Variants in PDLIM7 observed in about 807,000 individuals in gnomAD.
PDLIM7 encodes the protein PDZ and LIM domain protein 7.
In PDLIM7, 37 loss-of-function variants were observed where a neutral mutation model predicts 53.9. That is an observed-to-expected ratio of 0.69 (90% confidence interval 0.53 to 0.90). The LOEUF is 0.90. Among genes scored for constraint, PDLIM7 ranks in the 40% least tolerant of loss-of-function variants. The pLI, the probability that PDLIM7 is intolerant of heterozygous loss-of-function variation, is 0.00. For synonymous variants in PDLIM7, 300 were observed against 261.3 expected (o/e 1.15, Z -1.43); for missense variants, 617 against 638.5 (o/e 0.97, Z 0.36).
intron 7 of PDLIM7, 47 bp from the exon 8 acceptor site, chr5:177,489,879 A>G: frequency 6.4e-7 from 1 of 1,551,988 alleles, no homozygotes; most frequent in East Asian, 2.4e-5. Context: ...GCTTCCTGAC[A>G]TGGCCCCACC....
chr5:177,495,642 G>A (rs335428), intron 2 of PDLIM7, among the ~76,000 whole-genome samples: 66,345 of 152,080 alleles, frequency 0.44, 15,396 homozygotes, highest in South Asian at 0.53. Context: ...TTTCAGCTCT[G>A]CAGACCGCAG....
intron 7 of PDLIM7, chr5:177,490,036 G>A: frequency 1.3e-6 from 2 of 1,533,560 alleles, no homozygotes; most frequent in Non-Finnish European, 1.7e-6. Flanking sequence ...CTCTAGCTGG[G>A]AGACGAGGCA....
At chr5:177,492,046 C>G (rs1214111084) in intron 4 of PDLIM7, 121 bp from the exon 5 acceptor site, 5 of 466,326 alleles carry the variant, frequency 1.1e-5, no homozygotes, top group African/African-American at 1.0e-4. Flanking sequence ...ACCCCACCCC[C>G]TACATCTATT....
rs369708491 is a variant in PDLIM7 at position 177,489,569 on chromosome 5, G to C, written c.693C>G (p.Ala231=). 9 of 1,610,410 alleles carry C rather than the reference G, an allele frequency of 5.6e-6. No individual in the cohort carries two copies. The highest frequency in any genetic ancestry group is 2.7e-5 in the African/African-American group (2 of 75,038). The part of the protein sequence containing the change: ...RPPWAVDPAF[A]ERYAPDKTST... ...TCGTTTTGTCCGGGGCATAGCGCTC[G>C]GCAAACGCAGGGTCCACAGCCCAGG... Residue 231 remains alanine (A), a synonymous_variant, in exon 9 of 13, where the codon GCC becomes GCG. Coordinates refer to ENST00000355841, the MANE Select transcript of PDLIM7 (RefSeq NM_005451.5).
At chr5:177,489,079 G>T (rs1034668022) in intron 9 of PDLIM7, among the ~76,000 whole-genome samples, 9 of 152,224 alleles carry the variant, frequency 5.9e-5, no homozygotes, top group African/African-American at 1.9e-4. Context: ...CAGGAGGGAG[G>T]GGCAGACGCG....
chr5:177,490,412 G>T (rs1344990250), intron 7 of PDLIM7: 15 of 1,501,670 alleles, frequency 1.0e-5, no homozygotes, highest in Non-Finnish European at 1.3e-5. Context: ...GAGGTAGGCA[G>T]AAGCTGGAGG....
intron 5 of PDLIM7, 194 bp from the exon 6 acceptor site, chr5:177,491,340 A>AG (rs1465588562): frequency 5.2e-6 from 8 of 1,536,774 alleles, no homozygotes; most frequent in Non-Finnish European, 7.1e-6. Flanking sequence ...CAGGGTGGGG[A>AG]GGGGCCGCCA....
In PDLIM7 at chr5:177,491,043, G is replaced by A. The variant is rs763618873; in HGVS notation, c.502C>T (p.Arg168Cys). The A allele has an allele frequency of 2.0e-5, 32 of 1,612,614 alleles. No homozygotes were observed. The highest frequency in any genetic ancestry group is 3.3e-5 in the South Asian group (3 of 90,918). ...GTGCCTGTGAGGTGGGCAAGGATGC[G>A]GAAGGAACGCGACTGGCCTGTCCCC... ...RPGTGQSRSF[R>C]ILAHLTGTEF... The change falls in exon 6 of 13, where the codon CGC becomes TGC. Residue 168 changes from arginine to cysteine, a missense_variant. Transcript: ENST00000355841.
At chr5:177,490,215 G>A in intron 7 of PDLIM7, 1 of 1,445,806 alleles carries the variant, frequency 6.9e-7, no homozygotes, top group Non-Finnish European at 9.1e-7. Flanking sequence ...TGCAAACCAG[G>A]TCCACAAAGA....
At position 177,492,518 on chromosome 5, in the gene PDLIM7, C is replaced by T. The variant is rs1281403229; in HGVS notation, c.248+8G>A. On this transcript the variant is annotated splice_region_variant and intron_variant, in intron 3 of 12. Transcript: ENST00000355841. ...CGCGGGCGCACCCATCCATGTCCAC[C>T]CGCATACCTGCTGAGGCCCAGGCTG... The T allele has an allele frequency of 6.2e-7, 1 of 1,613,724 alleles. No individual in the cohort carries two copies. The highest frequency in any genetic ancestry group is 1.1e-5 in the South Asian group (1 of 91,064).
chr5:177,483,613 G>A lies in PDLIM7; in HGVS notation c.*31C>T. The A allele has an allele frequency of 6.6e-7, 1 of 1,522,658 alleles. No homozygotes were observed. The highest frequency in any genetic ancestry group is 9.1e-7 in the Non-Finnish European group (1 of 1,100,054). 94.3% of individuals were successfully genotyped at this position (1,522,658 alleles called of 1,614,324 possible). ...ACGACTCCAGGCCCCTCAGGCTAGGGGCCACCGCGGCAGCTGTGGGCAGAA... is the reference window on the plus strand; with the variant it reads ...ACGACTCCAGGCCCCTCAGGCTAGGAGCCACCGCGGCAGCTGTGGGCAGAA... On this transcript the variant is annotated 3_prime_UTR_variant, in exon 13 of 13. Transcript: ENST00000355841.
At chr5:177,491,323 G>T in intron 5 of PDLIM7, 177 bp from the exon 6 acceptor site, 1 of 1,510,272 alleles carries the variant, frequency 6.6e-7, no homozygotes, top group Non-Finnish European at 9.0e-7. Flanking sequence ...GTGGAGAGGA[G>T]GGCAGCCAGG....
At chr5:177,494,636 C>T (rs935720438) in intron 2 of PDLIM7, among the ~76,000 whole-genome samples, 1 of 151,844 alleles carries the variant, frequency 6.6e-6, no homozygotes, top group African/African-American at 2.4e-5. Context: ...GTGTTCAGAG[C>T]GTGGGGAGGG....
At position 177,492,448 on chromosome 5, in the gene PDLIM7, G is replaced by GA; in HGVS notation, c.249-14dup. The GA allele has an allele frequency of 6.2e-7, 1 of 1,613,682 alleles. No homozygotes were observed. The highest frequency in any genetic ancestry group is 1.3e-5 in the African/African-American group (1 of 75,048). On this transcript the variant is annotated splice_polypyrimidine_tract_variant and intron_variant, in intron 3 of 12. Transcript: ENST00000355841. ...AACCGGCTGGGCCCTGGAGGAGAAG[G>GA]AAAGCGTGACAGCGGGCCGGGCCCG...
In PDLIM7 at chr5:177,487,940, C is replaced by G. The variant is rs113964613; in HGVS notation, c.1050+128G>C. ...ATGCAGGGTGAGGCCAGTACAGCAG[C>G]CCATTTATTACGCTGGTAAGGACCC... On this transcript the variant is annotated intron_variant, in intron 10 of 12. Transcript: ENST00000355841. The G allele has an allele frequency of 3.5e-3, 2,822 of 797,706 alleles. 64 individuals carry two copies. In the African/African-American group the frequency reaches 0.044, roughly 12 times the overall value. 49.4% of individuals were successfully genotyped at this position (797,706 alleles called of 1,614,324 possible). A position where few individuals can be genotyped will look rare whatever the true frequency, so the allele number is the denominator to read the frequency against.
Position 177,491,037 on chromosome 5 carries a change from G to A in PDLIM7, c.508C>T (p.Leu170Phe), listed in dbSNP as rs961655835. Residue 170 changes from leucine (L) to phenylalanine (F), a missense_variant, in exon 6 of 13, where the codon CTT becomes TTT. Transcript: ENST00000355841. ...GTGQSRSFRI[L>F]AHLTGTEFMQ... ...AACTCGGTGCCTGTGAGGTGGGCAA[G>A]GATGCGGAAGGAACGCGACTGGCCT... 1.2e-6 allele frequency: 2 copies of A among 1,613,114 alleles called. No individual in the cohort carries two copies. The highest frequency in any genetic ancestry group is 1.7e-6 in the Non-Finnish European group (2 of 1,179,618).
chr5:177,489,901 G>A (rs1205317249), intron 7 of PDLIM7, 69 bp from the exon 8 acceptor site: 2 of 1,543,416 alleles, frequency 1.3e-6, no homozygotes. Context: ...CCCAACCTGG[G>A]TCCTGCTGGC....
chr5:177,496,412 C>A lies in PDLIM7; in HGVS notation c.96+5G>T. On this transcript the variant is annotated splice_donor_5th_base_variant and intron_variant, in intron 2 of 12. Transcript: ENST00000355841. The stretch of plus-strand genomic sequence containing the variant: ...GGGGAGCCCCCTCCCCAAACCTAGG[C>A]TCACCCGGGAAATGGAGAGGGGCAC... The A allele has an allele frequency of 6.3e-7, 1 of 1,583,182 alleles. No individual in the cohort carries two copies. The highest frequency in any genetic ancestry group is 8.6e-7 in the Non-Finnish European group (1 of 1,164,542).
At chr5:177,483,751 G>A (rs752484694) in intron 12 of PDLIM7, 21 bp from the exon 13 acceptor site, 1 of 1,599,940 alleles carries the variant, frequency 6.3e-7, no homozygotes, top group Non-Finnish European at 8.6e-7. Context: ...CAAAGGCCCA[G>A]TCACATGGGG....
Sources: allele counts gnomAD v4.1 joint callset (sites outside exome capture counted in the v4.1 genomes callset), GRCh38; gene constraint gnomAD v4.1.1; transcripts MANE v1.5; gene names NCBI Gene and HGNC (gene_info 2026-07-23, HGNC 2026-07-21).